Variants in SCFD2 observed in about 807,000 individuals in gnomAD.
The protein encoded by SCFD2 is sec1 family domain containing 2, also known as sec1 family domain-containing protein 2.
A neutral mutation model predicts 58.9 loss-of-function variants in SCFD2; 54 were observed. The observed-to-expected ratio is 0.92, with a 90% CI of 0.74 to 1.15. SCFD2 has a LOEUF of 1.15. Among genes scored for constraint, SCFD2 ranks in the 50% most tolerant of loss-of-function variants. SCFD2 has a pLI of 0.00. For synonymous variants in SCFD2, 321 were observed against 335.9 expected, an observed-to-expected ratio of 0.96 and a Z score of 0.49; for missense variants, 805 against 836.6, an observed-to-expected ratio of 0.96 and a Z score of 0.47.
At chr4:53,213,651 G>T (rs1182131922) in intron 4 of SCFD2, among the ~76,000 whole-genome samples, 1 of 151,738 alleles carries the variant, frequency 6.6e-6, no homozygotes, top group African/African-American at 2.4e-5. Context: ...AATGCCATAC[G>T]GTTCTTTCAT....
chr4:53,133,272 G>C (rs1364778410), intron 5 of SCFD2, among the ~76,000 whole-genome samples: 1 of 144,966 alleles, frequency 6.9e-6, no homozygotes, highest in East Asian at 2.1e-4. Context: ...AGCTTGCAGT[G>C]AGCCCAGATC....
At chr4:53,215,427 A>AG (rs1728787633) in intron 4 of SCFD2, among the ~76,000 whole-genome samples, 1 of 152,054 alleles carries the variant, frequency 6.6e-6, no homozygotes, top group African/African-American at 2.4e-5. Flanking sequence ...TGTGAATGGG[A>AG]GTTCACTCAT....
chr4:52,907,576 A>C lies in SCFD2; in HGVS notation c.1723T>G (p.Leu575Val), dbSNP rs567197305. 9.3e-6 allele frequency: 15 copies of C among 1,613,970 alleles called. No individual in the cohort carries two copies. The South Asian group carries it at 1.6e-4, about 18-fold the overall frequency. ...NHTHQASYKP[L>V]LKQVVEEIFH... ...ATTTCCTCCACAACTTGCTTCAACA[A>C]TGGCTTATAAGATGCCTGGAAAGAC... The change falls in exon 7 of 9, where the codon TTG becomes GTG. Residue 575 changes from leucine (L) to valine (V), a missense_variant. By Grantham distance (32) the Leu-to-Val change is conservative. Coordinates refer to ENST00000401642, the MANE Select transcript of SCFD2 (RefSeq NM_152540.4).
At chr4:52,947,968 CAAAAAA>C (rs34494471) in intron 5 of SCFD2, among the ~76,000 whole-genome samples, 1 of 35,202 alleles carries the variant, frequency 2.8e-5, no homozygotes, top group Non-Finnish European at 5.8e-5. Flanking sequence ...AAAAATAGGC[CAAAAAA>C]AAAAAAAAAA....
At chr4:53,235,650 G>A (rs1297649079) in intron 4 of SCFD2, among the ~76,000 whole-genome samples, 1 of 152,220 alleles carries the variant, frequency 6.6e-6, no homozygotes, top group African/African-American at 2.4e-5. Flanking sequence ...ATCTGAGCCA[G>A]CTATGTGAAG....
chr4:53,063,452 T>C (rs1723572208), intron 5 of SCFD2, among the ~76,000 whole-genome samples: 1 of 152,024 alleles, frequency 6.6e-6, no homozygotes, highest in Non-Finnish European at 1.5e-5. Context: ...TAAAAGGAGA[T>C]AAAAAGGGGA....
At chr4:53,099,251 C>T (rs1213626430) in intron 5 of SCFD2, among the ~76,000 whole-genome samples, 1 of 152,212 alleles carries the variant, frequency 6.6e-6, no homozygotes, top group Non-Finnish European at 1.5e-5. Context: ...ACTACTTCTA[C>T]AATCTCCTTT....
chr4:53,031,428 T>A (rs1269662977), intron 5 of SCFD2, among the ~76,000 whole-genome samples: 1 of 152,088 alleles, frequency 6.6e-6, no homozygotes, highest in Non-Finnish European at 1.5e-5. Context: ...GTAGAATAAG[T>A]TTGACAAACT....
intron 4 of SCFD2, among the ~76,000 whole-genome samples, chr4:53,185,309 A>G (rs1727703524): frequency 6.6e-6 from 1 of 152,132 alleles, no homozygotes; most frequent in Admixed American, 6.6e-5. Flanking sequence ...CAGGAAACCA[A>G]GAATGGCACC....
intron 1 of SCFD2, among the ~76,000 whole-genome samples, chr4:53,363,028 G>A (rs1433466497): frequency 6.6e-6 from 1 of 152,192 alleles, no homozygotes; most frequent in Admixed American, 6.6e-5. Flanking sequence ...AAGTGAGTAT[G>A]GGGAAGGAGA....
intron 5 of SCFD2, among the ~76,000 whole-genome samples, chr4:52,972,477 T>C (rs301110): frequency 0.14 from 21,078 of 152,118 alleles, 1,638 homozygotes; most frequent in East Asian, 0.33. Flanking sequence ...CTATCCTAAA[T>C]ATATATGCAC....
chr4:53,220,468 C>A (rs1729015686), intron 4 of SCFD2, among the ~76,000 whole-genome samples: 1 of 152,132 alleles, frequency 6.6e-6, no homozygotes, highest in African/African-American at 2.4e-5. Context: ...AATAGGTACC[C>A]AATAATTATT....
At chr4:53,277,298 T>C (rs1461134141) in intron 3 of SCFD2, among the ~76,000 whole-genome samples, 1 of 152,240 alleles carries the variant, frequency 6.6e-6, no homozygotes, top group Non-Finnish European at 1.5e-5. Context: ...ACATCTATTA[T>C]ATTAAATATG....
At chr4:53,180,141 C>G (rs943362824) in intron 4 of SCFD2, among the ~76,000 whole-genome samples, 1 of 152,150 alleles carries the variant, frequency 6.6e-6, no homozygotes, top group Admixed American at 6.5e-5. Flanking sequence ...CAGCTCTGCA[C>G]CAAGCGGACC....
At chr4:53,247,215 C>A (rs1459922639) in intron 4 of SCFD2, among the ~76,000 whole-genome samples, 2 of 152,148 alleles carry the variant, frequency 1.3e-5, no homozygotes, top group African/African-American at 4.8e-5. Context: ...CATAATCTCA[C>A]AACAGCCAAA....
At chr4:53,136,604 G>A (rs951785446) in intron 5 of SCFD2, among the ~76,000 whole-genome samples, 4 of 152,194 alleles carry the variant, frequency 2.6e-5, no homozygotes, top group African/African-American at 9.6e-5. Flanking sequence ...AAAACTAGTA[G>A]TGTATCTGCA....
chr4:53,173,713 T>C (rs1189157560), intron 4 of SCFD2, among the ~76,000 whole-genome samples: 1 of 152,200 alleles, frequency 6.6e-6, no homozygotes, highest in Non-Finnish European at 1.5e-5. Flanking sequence ...TCTAGTGGTA[T>C]GCTTTGAATT....
At chr4:52,998,706 T>A (rs1721798574) in intron 5 of SCFD2, among the ~76,000 whole-genome samples, 1 of 151,814 alleles carries the variant, frequency 6.6e-6, no homozygotes, top group African/African-American at 2.4e-5. Flanking sequence ...AACGACAGAG[T>A]CACAAATGGA....
chr4:53,331,974 C>T (rs1329383700), intron 2 of SCFD2, among the ~76,000 whole-genome samples: 1 of 152,120 alleles, frequency 6.6e-6, no homozygotes, highest in East Asian at 1.9e-4. Context: ...AACACCTCTA[C>T]ACAAATAAAC....
Sources: gnomAD v4.1 joint callset for allele counts (sites outside exome capture counted in the v4.1 genomes callset) on GRCh38, gnomAD v4.1.1 for gene constraint, MANE v1.5 for transcripts, NCBI Gene and HGNC (gene_info 2026-07-23, HGNC 2026-07-21) for gene names.